The following ARHGEF28 variants were observed in gnomAD, a reference collection of about 807,000 sequenced individuals.
ARHGEF28 encodes the protein 190 kDa guanine nucleotide exchange factor.
A neutral mutation model predicts 206.6 loss-of-function variants in ARHGEF28; 152 were observed. That is an observed-to-expected ratio of 0.74 (90% CI 0.64 to 0.84). ARHGEF28 has a LOEUF of 0.84. ARHGEF28 is among the 40% of genes least tolerant of loss of function. The pLI is 0.00. For synonymous variants in ARHGEF28, 763 were observed against 776.4 expected, an observed-to-expected ratio of 0.98 and a Z score of 0.29; for missense variants, 2,028 against 2,073.2, an observed-to-expected ratio of 0.98 and a Z score of 0.42.
intron 2 of ARHGEF28, among the ~76,000 whole-genome samples, chr5:73,716,215 C>CTGAGAATTA (rs1011757643): frequency 6.6e-6 from 1 of 152,044 alleles, no homozygotes; most frequent in African/African-American, 2.4e-5. Context: ...ATTCTGTTAG[C>CTGAGAATTA]TGAGAATTAT....
At chr5:73,883,952 A>G (rs1580046835) in intron 24 of ARHGEF28, 68 bp downstream of exon 24, 1 of 905,266 alleles carries the variant, frequency 1.1e-6, no homozygotes, top group Non-Finnish European at 1.6e-6. Context: ...GAGGTGTTCT[A>G]AACAGCCATC....
chr5:73,911,447 AACATCAAGTAG>A lies in ARHGEF28; in HGVS notation c.4823_4833del (p.His1608ProfsTer30). On this transcript the variant is annotated frameshift_variant, in exon 35 of 36. Coordinates refer to ENST00000513042, the MANE Select transcript of ARHGEF28 (RefSeq NM_001177693.2). LOFTEE classifies it high-confidence loss of function. ...CATTCTGACTTGGTGAGGACTAGTG[AACATCAAGTAG>A]ACCTCAAGGTGGACCCTTCTCAGCC... is the stretch of plus-strand genomic sequence containing the variant. 1 of 1,614,014 alleles carries A rather than the reference AACATCAAGTAG, an allele frequency of 6.2e-7. No homozygotes were observed. Among genetic ancestry groups the A allele is most frequent in the Non-Finnish European group, 8.5e-7 (1 of 1,179,886 alleles).
chr5:73,920,499 T>C (rs1027637201), intron 35 of ARHGEF28, among the ~76,000 whole-genome samples: 8 of 151,760 alleles, frequency 5.3e-5, no homozygotes, highest in African/African-American at 1.9e-4. Flanking sequence ...TGCATAGGTA[T>C]ACATGTGCCA....
Position 73,842,484 on chromosome 5 carries a change from G to T in ARHGEF28, c.1427+1724G>T, listed in dbSNP as rs1387680157. ...TATGTGTGATGTGTAAATAATAAAA[G>T]ACTTGCTTTAGATTTATACTTTGTG... On this transcript the variant is annotated intron_variant, in intron 11 of 35. Coordinates refer to ENST00000513042, the MANE Select transcript of ARHGEF28 (RefSeq NM_001177693.2). Among the ~76,000 whole-genome samples the T allele has an allele frequency of 5.9e-5, 9 of 152,270 alleles. 1 individual carries two copies. In the East Asian group the frequency reaches 1.5e-3, roughly 26 times the overall value.
chr5:73,685,010 G>A (rs977455170), intron 2 of ARHGEF28, 126 bp downstream of exon 2: 2 of 942,960 alleles, frequency 2.1e-6, no homozygotes, highest in African/African-American at 3.3e-5. Flanking sequence ...AACACACTGA[G>A]CGTTACTGTC....
At chr5:73,701,619 C>G (rs189519746) in intron 2 of ARHGEF28, among the ~76,000 whole-genome samples, 9 of 152,260 alleles carry the variant, frequency 5.9e-5, no homozygotes, top group African/African-American at 1.2e-4. Context: ...CCCCTCCCCC[C>G]ACCATTCCTA....
intron 2 of ARHGEF28, among the ~76,000 whole-genome samples, chr5:73,686,493 C>G (rs898513043): frequency 1.3e-5 from 2 of 151,538 alleles, no homozygotes; most frequent in African/African-American, 4.8e-5. Flanking sequence ...AAAACAAAAA[C>G]AAGTTTTTCT....
intron 1 of ARHGEF28, among the ~76,000 whole-genome samples, chr5:73,680,900 G>T (rs1245103259): frequency 2.0e-5 from 3 of 151,498 alleles, no homozygotes; most frequent in Non-Finnish European, 4.4e-5. Flanking sequence ...ATGGAGTTTT[G>T]CCATGTTGCC....
At chr5:73,761,198 G>A (rs965908636) in intron 4 of ARHGEF28, among the ~76,000 whole-genome samples, 1 of 152,106 alleles carries the variant, frequency 6.6e-6, no homozygotes, top group Non-Finnish European at 1.5e-5. Context: ...TTGCTTGCAC[G>A]CAGAGGATTA....
chr5:73,925,635 C>T (rs1312593308), intron 35 of ARHGEF28, among the ~76,000 whole-genome samples: 1 of 152,212 alleles, frequency 6.6e-6, no homozygotes, highest in Middle Eastern at 3.2e-3. Context: ...CCCTCCCCTT[C>T]AAAGCAGCGA....
At chr5:73,840,962 C>T (rs956680800) in intron 11 of ARHGEF28, among the ~76,000 whole-genome samples, 4 of 152,112 alleles carry the variant, frequency 2.6e-5, no homozygotes, top group Admixed American at 6.5e-5. Flanking sequence ...AGGAAAACCA[C>T]GATGAGATAC....
chr5:73,832,610 T>C (rs1231882687), intron 10 of ARHGEF28, among the ~76,000 whole-genome samples, 151 bp downstream of exon 10: 1 of 152,180 alleles, frequency 6.6e-6, no homozygotes, highest in Admixed American at 6.5e-5. Flanking sequence ...TGTATGAGCA[T>C]TTAAGCATTT....
intron 9 of ARHGEF28, among the ~76,000 whole-genome samples, chr5:73,822,268 G>C (rs1756644925): frequency 1.3e-5 from 2 of 152,166 alleles, no homozygotes; most frequent in South Asian, 4.1e-4. Context: ...GGACTGCCCT[G>C]AGAGGCCCGA....
chr5:73,894,770 T>A (rs1469807004), intron 29 of ARHGEF28, among the ~76,000 whole-genome samples, 195 bp downstream of exon 29: 3 of 152,102 alleles, frequency 2.0e-5, no homozygotes, highest in Non-Finnish European at 2.9e-5. Flanking sequence ...TCAAGTGCTA[T>A]GAAGAAAAAT....
chr5:73,857,578 C>T (rs1759126239), intron 14 of ARHGEF28, 78 bp from the exon 15 acceptor site: 9 of 1,419,364 alleles, frequency 6.3e-6, no homozygotes, highest in East Asian at 2.5e-5. Flanking sequence ...CACACACACA[C>T]ACACACACAT....
At chr5:73,796,300 C>T (rs906491540) in intron 9 of ARHGEF28, among the ~76,000 whole-genome samples, 3 of 152,186 alleles carry the variant, frequency 2.0e-5, no homozygotes, top group Non-Finnish European at 4.4e-5. Context: ...ATCTCACACA[C>T]CTGGAAGGCA....
chr5:73,713,370 A>G (rs1054434833), intron 2 of ARHGEF28, among the ~76,000 whole-genome samples: 4 of 152,094 alleles, frequency 2.6e-5, no homozygotes, highest in African/African-American at 9.7e-5. Context: ...TCTGTCTATT[A>G]GCTGGTATTG....
At chr5:73,815,019 A>C (rs939028877) in intron 9 of ARHGEF28, among the ~76,000 whole-genome samples, 5 of 152,164 alleles carry the variant, frequency 3.3e-5, no homozygotes, top group Admixed American at 3.3e-4. Flanking sequence ...TTTAAAGATT[A>C]ATTTTACTTT....
At chr5:73,886,763 T>C (rs540111285) in intron 25 of ARHGEF28, among the ~76,000 whole-genome samples, 1 of 152,330 alleles carries the variant, frequency 6.6e-6, no homozygotes, top group African/African-American at 2.4e-5. Flanking sequence ...TGCTCATGTC[T>C]CCTCCCAGAG....
Sources: gnomAD v4.1 joint callset for allele counts (sites outside exome capture counted in the v4.1 genomes callset) on GRCh38, gnomAD v4.1.1 for gene constraint, MANE v1.5 for transcripts, NCBI Gene and HGNC (gene_info 2026-07-23, HGNC 2026-07-21) for gene names.